TCF7L1: variants seen among roughly 807,000 people sequenced by gnomAD.
The protein encoded by TCF7L1 is transcription factor 7 like 1.
In TCF7L1, 18 loss-of-function variants were observed where a neutral mutation model predicts 63.7. That is an observed-to-expected ratio of 0.28 (90% CI 0.20 to 0.42). The LOEUF is 0.42. TCF7L1 is among the 10% of genes least tolerant of loss of function. The pLI, the probability that TCF7L1 is intolerant of heterozygous loss-of-function variation, is 1.00. For synonymous variants in TCF7L1, 355 were observed against 340.9 expected (o/e 1.04, Z -0.46); for missense variants, 654 against 779.3 (o/e 0.84, Z 1.91).
intron 3 of TCF7L1, among the ~76,000 whole-genome samples, chr2:85,210,138 C>T (rs900336487): frequency 3.9e-5 from 6 of 152,170 alleles, no homozygotes; most frequent in African/African-American, 1.4e-4. Flanking sequence ...GGTGAGGCCC[C>T]ATGGGGAACA....
At chr2:85,256,851 C>T (rs1237032875) in intron 3 of TCF7L1, among the ~76,000 whole-genome samples, 5 of 151,848 alleles carry the variant, frequency 3.3e-5, no homozygotes, top group African/African-American at 7.3e-5. Context: ...GGTGTGGTGG[C>T]GGGCATCTGT....
chr2:85,241,431 GTTTTTGT>G (rs1214859497), intron 3 of TCF7L1, among the ~76,000 whole-genome samples: 5 of 68,778 alleles, frequency 7.3e-5, no homozygotes, highest in African/African-American at 2.6e-4. Context: ...GATGCACTTT[GTTTTTGT>G]TTTTTTTTTT....
intron 3 of TCF7L1, among the ~76,000 whole-genome samples, chr2:85,233,496 A>G (rs1680127508): frequency 6.6e-6 from 1 of 151,522 alleles, no homozygotes; most frequent in Non-Finnish European, 1.5e-5. Flanking sequence ...TTGTATTTTT[A>G]GTAGAGATAG....
chr2:85,251,663 G>A (rs1015824285), intron 3 of TCF7L1, among the ~76,000 whole-genome samples: 3 of 152,166 alleles, frequency 2.0e-5, no homozygotes, highest in East Asian at 1.9e-4. Flanking sequence ...GTAAATCGCC[G>A]CTTTTTGATA....
At chr2:85,232,203 C>G (rs2104313799) in intron 3 of TCF7L1, among the ~76,000 whole-genome samples, 1 of 152,284 alleles carries the variant, frequency 6.6e-6, no homozygotes, top group African/African-American at 2.4e-5. Flanking sequence ...TCGCCTTTGT[C>G]TGCTTTCTGT....
chr2:85,137,923 T>C (rs1456791688), intron 3 of TCF7L1, among the ~76,000 whole-genome samples: 1 of 142,892 alleles, frequency 7.0e-6, no homozygotes, highest in Non-Finnish European at 1.5e-5. Context: ...AGAAAGAAAA[T>C]GTAAGTCAAC....
intron 3 of TCF7L1, among the ~76,000 whole-genome samples, chr2:85,193,293 C>T (rs1679080130): frequency 6.6e-6 from 1 of 152,148 alleles, no homozygotes; most frequent in Non-Finnish European, 1.5e-5. Flanking sequence ...GAGCCAAAGT[C>T]TCAGGCAGGT....
At chr2:85,255,366 C>A (rs1437735994) in intron 3 of TCF7L1, among the ~76,000 whole-genome samples, 1 of 152,172 alleles carries the variant, frequency 6.6e-6, no homozygotes, top group Non-Finnish European at 1.5e-5. Context: ...CCCATTCCCT[C>A]CCCCCTACAT....
At chr2:85,283,178 A>G (rs1424129230) in intron 3 of TCF7L1, among the ~76,000 whole-genome samples, 1 of 151,096 alleles carries the variant, frequency 6.6e-6, no homozygotes, top group Non-Finnish European at 1.5e-5. Flanking sequence ...GAGCCTCACT[A>G]GTAGGTTCTT....
intron 3 of TCF7L1, among the ~76,000 whole-genome samples, chr2:85,247,887 T>C (rs1310196397): frequency 1.3e-5 from 2 of 152,184 alleles, no homozygotes; most frequent in African/African-American, 2.4e-5. Flanking sequence ...GTGATCCTAA[T>C]TGTAACCATA....
chr2:85,209,941 G>T (rs1200799902), intron 3 of TCF7L1, among the ~76,000 whole-genome samples: 1 of 152,142 alleles, frequency 6.6e-6, no homozygotes, highest in African/African-American at 2.4e-5. Context: ...TCATTTTTTA[G>T]CAGGGATCTC....
At position 85,310,288 on chromosome 2, in the gene TCF7L1, CTGTG is replaced by C. The variant is rs1166893137; in HGVS notation, c.*830_*833del. 4 of 152,706 alleles carry C rather than the reference CTGTG, an allele frequency of 2.6e-5. No homozygotes were observed. In the South Asian group the frequency reaches 6.2e-4, roughly 24 times the overall value. The allele number at this position is 152,706 out of a possible 1,614,324, so 9.5% of individuals were successfully genotyped here. A position where few individuals can be genotyped will look rare whatever the true frequency, so the allele number is the denominator to read the frequency against. ...TTCCCCATCACCTCACATGCTTCTT[CTGTG>C]TGTATTTCTTTTTGTTTTTATGGTT... On this transcript the variant is annotated 3_prime_UTR_variant, in exon 12 of 12. Coordinates refer to ENST00000282111, the MANE Select transcript of TCF7L1 (RefSeq NM_031283.3).
chr2:85,238,782 TTTA>T (rs1680253737), intron 3 of TCF7L1, among the ~76,000 whole-genome samples: 8 of 514 alleles, frequency 0.016, no homozygotes, highest in African/African-American at 0.06. Flanking sequence ...GAGCATTTTA[TTTA>T]TTTATTTATT....
chr2:85,308,607 A>T (rs1375534563), intron 11 of TCF7L1, among the ~76,000 whole-genome samples: 2 of 147,802 alleles, frequency 1.4e-5, no homozygotes, highest in Non-Finnish European at 3.0e-5. Flanking sequence ...TCCATTATAC[A>T]TAGGAGCGCA....
chr2:85,272,631 C>CA (rs569222504), intron 3 of TCF7L1, among the ~76,000 whole-genome samples: 10,816 of 140,686 alleles, frequency 0.077, 427 homozygotes, highest in South Asian at 0.18. Flanking sequence ...CTGTCTCTAC[C>CA]AAAAAAAAAA....
intron 3 of TCF7L1, among the ~76,000 whole-genome samples, chr2:85,237,858 G>A (rs1421747416): frequency 6.6e-6 from 1 of 152,032 alleles, no homozygotes; most frequent in Non-Finnish European, 1.5e-5. Flanking sequence ...CGGGGTTCGC[G>A]GGCTCCCTGG....
At chr2:85,303,709 C>T in intron 5 of TCF7L1, 186 bp from the exon 6 acceptor site, 1 of 488,048 alleles carries the variant, frequency 2.0e-6, no homozygotes, top group Non-Finnish European at 3.7e-6. Flanking sequence ...TCCTGCCTCC[C>T]CTGAATATGT....
At chr2:85,234,338 G>A (rs1680151190) in intron 3 of TCF7L1, among the ~76,000 whole-genome samples, 1 of 151,856 alleles carries the variant, frequency 6.6e-6, no homozygotes. Flanking sequence ...TTTTCACCAT[G>A]TTGGCCAGGA....
intron 3 of TCF7L1, among the ~76,000 whole-genome samples, chr2:85,194,807 G>A (rs946885327): frequency 2.6e-5 from 4 of 152,192 alleles, no homozygotes; most frequent in African/African-American, 9.7e-5. Context: ...TTCTTGGATG[G>A]TGGCAGCAGC....
Sources: allele counts gnomAD v4.1 joint callset (sites outside exome capture counted in the v4.1 genomes callset), GRCh38; gene constraint gnomAD v4.1.1; transcripts MANE v1.5; gene names NCBI Gene and HGNC (gene_info 2026-07-23, HGNC 2026-07-21).